PRKCQ: variants seen among roughly 807,000 people sequenced by gnomAD.
PRKCQ encodes the protein protein kinase C theta type.
A neutral mutation model predicts 91.2 loss-of-function variants in PRKCQ; 41 were observed. The ratio of observed to expected loss-of-function variants is 0.45; its 90% CI spans 0.35 to 0.58. The LOEUF is 0.58. Ranked by LOEUF, PRKCQ falls within the 20% of genes least tolerant of loss-of-function variation. PRKCQ has a pLI of 0.00. For missense variants in PRKCQ, 673 were observed against 896.5 expected (o/e 0.75, Z 3.18); for synonymous variants, 307 against 316.9 (o/e 0.97, Z 0.33).
chr10:6,399,258 C>T, the PRKCQ span, among the ~76,000 whole-genome samples: 81 of 152,210 alleles, frequency 5.3e-4, no homozygotes, highest in Middle Eastern at 3.4e-3. Context: ...AAATATTCAC[C>T]GTGATTTACT....
At chr10:6,462,427 A>G (rs1449462892) in intron 13 of PRKCQ, 62 bp from the exon 14 acceptor site, 1 of 1,467,486 alleles carries the variant, frequency 6.8e-7, no homozygotes, top group East Asian at 2.3e-5. Context: ...AAAATCCCAA[A>G]CCCAGACTGA....
At chr10:6,555,259 T>TA (rs879437095) in intron 1 of PRKCQ, among the ~76,000 whole-genome samples, 1,611 of 143,182 alleles carry the variant, frequency 0.011, 33 homozygotes, top group African/African-American at 0.039. Flanking sequence ...AAATAAAAGT[T>TA]AAAAAAAAAA....
chr10:6,432,688 G>T (rs992406912), intron 16 of PRKCQ, among the ~76,000 whole-genome samples: 1 of 152,136 alleles, frequency 6.6e-6, no homozygotes, highest in African/African-American at 2.4e-5. Flanking sequence ...GTGATCTCTA[G>T]GGCTTGGAGA....
chr10:6,402,611 G>T, the PRKCQ span, among the ~76,000 whole-genome samples: 1 of 152,194 alleles, frequency 6.6e-6, no homozygotes, highest in East Asian at 1.9e-4. Context: ...GAGCTTTCTT[G>T]TATAAAGTGA....
chr10:6,413,523 T>C, the PRKCQ span, among the ~76,000 whole-genome samples: 1 of 140,132 alleles, frequency 7.1e-6, no homozygotes, highest in African/African-American at 2.8e-5. Flanking sequence ...AGCACTGGAT[T>C]AAATGCCACT....
At chr10:6,477,032 G>A (rs1455877473) in intron 12 of PRKCQ, among the ~76,000 whole-genome samples, 2 of 152,160 alleles carry the variant, frequency 1.3e-5, no homozygotes, top group South Asian at 4.1e-4. Context: ...GGAAGTTCCA[G>A]CCTGCTCCCT....
chr10:6,489,819 G>A (rs1236765353), intron 8 of PRKCQ, among the ~76,000 whole-genome samples: 3 of 152,040 alleles, frequency 2.0e-5, no homozygotes, highest in Non-Finnish European at 4.4e-5. Context: ...AGTATTCAAG[G>A]AAAGAAATGA....
chr10:6,456,642 G>C (rs769149917), intron 15 of PRKCQ, 32 bp downstream of exon 15: 4 of 1,611,624 alleles, frequency 2.5e-6, no homozygotes, highest in East Asian at 2.2e-5. Flanking sequence ...AGGGCATGGT[G>C]AGGTGGGAGC....
intron 15 of PRKCQ, among the ~76,000 whole-genome samples, chr10:6,445,121 C>CTCAA (rs779476076): frequency 0.013 from 1,377 of 105,314 alleles, 94 homozygotes; most frequent in Non-Finnish European, 0.017. Context: ...AAGACTCTGT[C>CTCAA]AAAAAAAAAA....
At chr10:6,449,974 A>T (rs1033130785) in intron 15 of PRKCQ, among the ~76,000 whole-genome samples, 97 of 152,318 alleles carry the variant, frequency 6.4e-4, no homozygotes, top group African/African-American at 2.3e-3. Context: ...AGCTGCTGCA[A>T]AATCATGCCA....
At chr10:6,448,259 A>G (rs670804) in intron 15 of PRKCQ, among the ~76,000 whole-genome samples, 36,053 of 152,006 alleles carry the variant, frequency 0.24, 4,729 homozygotes, top group Non-Finnish European at 0.29. Context: ...GTGGATGTAG[A>G]GGTGCTGTGG....
At chr10:6,541,984 G>A (rs1272777597) in intron 1 of PRKCQ, among the ~76,000 whole-genome samples, 2 of 151,962 alleles carry the variant, frequency 1.3e-5, no homozygotes, top group East Asian at 1.9e-4. Context: ...GCAATTCTGC[G>A]CTATTTAAGT....
At chr10:6,423,824 C>T (rs1274807824), downstream of PRKCQ, among the ~76,000 whole-genome samples, 1 of 152,152 alleles carries the variant, frequency 6.6e-6, no homozygotes, top group Non-Finnish European at 1.5e-5. Context: ...GGACCTGATA[C>T]CTAAGTCCAG....
chr10:6,485,324 C>T (rs1836846512), intron 9 of PRKCQ, 55 bp from the exon 10 acceptor site: 13 of 1,360,790 alleles, frequency 9.6e-6, no homozygotes, highest in Non-Finnish European at 1.4e-5. Flanking sequence ...GATGGAACAG[C>T]TCAGCCTGCT....
chr10:6,573,219 G>A (rs1302106871), intron 1 of PRKCQ, among the ~76,000 whole-genome samples: 1 of 152,174 alleles, frequency 6.6e-6, no homozygotes, highest in African/African-American at 2.4e-5. Flanking sequence ...GAAAAACTGT[G>A]TAGAAGGCCT....
chr10:6,397,799 C>T, the PRKCQ span, among the ~76,000 whole-genome samples: 1 of 152,118 alleles, frequency 6.6e-6, no homozygotes, highest in African/African-American at 2.4e-5. Flanking sequence ...GCAGTGGGCA[C>T]CTGTAATCCC....
At chr10:6,400,116 G>A in the PRKCQ span, among the ~76,000 whole-genome samples, 6 of 152,214 alleles carry the variant, frequency 3.9e-5, no homozygotes, top group Non-Finnish European at 5.9e-5. Context: ...TTAGAATGGG[G>A]CTCTGTTACT....
chr10:6,507,271 TC>T (rs1197386992), intron 4 of PRKCQ, among the ~76,000 whole-genome samples, 164 bp downstream of exon 4: 1 of 152,250 alleles, frequency 6.6e-6, no homozygotes, highest in African/African-American at 2.4e-5. Flanking sequence ...CCAGATAGTG[TC>T]TTTTAAAGTC....
chr10:6,402,973 C>T, the PRKCQ span, among the ~76,000 whole-genome samples: 1 of 152,242 alleles, frequency 6.6e-6, no homozygotes, highest in Non-Finnish European at 1.5e-5. Context: ...AATTCAGTGT[C>T]TGCACACTAT....
Sources: allele counts gnomAD v4.1 joint callset (sites outside exome capture counted in the v4.1 genomes callset), GRCh38; gene constraint gnomAD v4.1.1; transcripts MANE v1.5; gene names NCBI Gene and HGNC (gene_info 2026-07-23, HGNC 2026-07-21).